Variants in AFF4 observed in about 807,000 individuals in gnomAD.
AFF4 encodes ALF transcription elongation factor 4, also known as AF4/FMR2 family member 4.
Under a neutral mutation model 124.8 loss-of-function variants are expected in AFF4, and 13 were observed. The ratio of observed to expected loss-of-function variants is 0.10; its 90% confidence interval spans 0.07 to 0.17. The LOEUF (loss-of-function observed/expected upper bound fraction) is 0.17, where lower values mean the gene tolerates loss of function less well. Ranked by LOEUF, AFF4 falls within the 10% of genes least tolerant of loss-of-function variation. AFF4 has a pLI of 1.00. For missense variants in AFF4, 1,092 were observed against 1,403.8 expected, an observed-to-expected ratio of 0.78 and a Z score of 3.55; for synonymous variants, 477 against 496.1, an observed-to-expected ratio of 0.96 and a Z score of 0.51.
At chr5:132,934,108 CGTA>C in intron 3 of AFF4, 36 bp downstream of exon 3, 1 of 1,567,124 alleles carries the variant, frequency 6.4e-7, no homozygotes. Flanking sequence ...AATTGCTTCA[CGTA>C]GTCACAATGT....
Position 132,896,984 on chromosome 5 carries a change from G to A in AFF4, c.1646C>T (p.Ser549Phe). 6.2e-7 allele frequency: 1 copy of A among 1,614,180 alleles called. No homozygotes were observed. The highest frequency in any genetic ancestry group is 8.5e-7 in the Non-Finnish European group (1 of 1,180,038). ...TGTTGTGCTGTCACTCTGTGCAGGA[G>A]ATTTCTGCCTCCCACGCCCACTTTC... is the stretch of plus-strand genomic sequence containing the variant. Reference protein sequence around the residue: ...GSESGRGRQKSPAQSDSTTQR... With the variant: ...GSESGRGRQKFPAQSDSTTQR... The change falls in exon 11 of 21, where the codon TCT (serine) becomes TTT (phenylalanine). Residue 549 changes from serine to phenylalanine, a missense_variant. Physicochemically the swap from Ser to Phe is radical, Grantham distance 155 (BLOSUM62 -2). This residue lies in a region of AFF4 where 174 missense variants were observed against 205.9 expected (regional missense o/e 0.84). Transcript: ENST00000265343.
chr5:132,885,700 G>T lies in AFF4; in HGVS notation c.3100-581C>A, dbSNP rs545473820. Among the ~76,000 whole-genome samples the T allele has an allele frequency of 3.3e-5, 5 of 152,184 alleles. No individual in the cohort carries two copies. The East Asian group carries it at 9.6e-4, about 29-fold the overall frequency. ...ATTTTAGGAGGATTTATGTGGTACTGGCCTGAAGAAACATAGGAAAATCTT... is the reference window on the plus strand; with the variant it reads ...ATTTTAGGAGGATTTATGTGGTACTTGCCTGAAGAAACATAGGAAAATCTT... On this transcript the variant is annotated intron_variant, in intron 18 of 20. Coordinates refer to ENST00000265343, the MANE Select transcript of AFF4 (RefSeq NM_014423.4).
intron 1 of AFF4, among the ~76,000 whole-genome samples, chr5:132,953,025 GCTAT>G (rs1304358905): frequency 6.6e-6 from 1 of 151,960 alleles, no homozygotes; most frequent in East Asian, 1.9e-4. Flanking sequence ...ATGCCCTTTG[GCTAT>G]CTAAGAAATC....
At chr5:132,916,403 T>A (rs937023051) in intron 5 of AFF4, among the ~76,000 whole-genome samples, 2 of 117,268 alleles carry the variant, frequency 1.7e-5, no homozygotes, top group African/African-American at 5.3e-5. Context: ...TTTCCATAAA[T>A]TTTTTTTTTT....
At chr5:132,892,895 G>T in intron 12 of AFF4, 135 bp downstream of exon 12, 4 of 744,264 alleles carry the variant, frequency 5.4e-6, no homozygotes, top group East Asian at 2.5e-5. Context: ...CCACTATTTG[G>T]CATATGTTAT....
intron 1 of AFF4, among the ~76,000 whole-genome samples, chr5:132,954,502 C>T (rs2150112529): frequency 6.6e-6 from 1 of 151,566 alleles, no homozygotes; most frequent in African/African-American, 2.4e-5. Flanking sequence ...GGTGGTTGCC[C>T]ACGACCTCTG....
chr5:132,876,147 G>A lies in AFF4; in HGVS notation c.*4912C>T, dbSNP rs1472606861. On this transcript the variant is annotated 3_prime_UTR_variant, in exon 21 of 21. Coordinates refer to ENST00000265343, the MANE Select transcript of AFF4 (RefSeq NM_014423.4). ...CCAACCCCACAACTGGCCCTTAAAGGTGGTGCCTTTTCAGGCAATGTCAAC... is the reference window on the plus strand; with the variant it reads ...CCAACCCCACAACTGGCCCTTAAAGATGGTGCCTTTTCAGGCAATGTCAAC... 4.3e-6 allele frequency: 1 copy of A among 231,326 alleles called. No homozygotes were observed. The highest frequency in any genetic ancestry group is 8.5e-6 in the Non-Finnish European group (1 of 116,998). 14.3% of individuals were successfully genotyped at this position (231,326 alleles called of 1,614,324 possible).
chr5:132,882,817 G>A (rs1760015877), intron 20 of AFF4, among the ~76,000 whole-genome samples: 1 of 145,384 alleles, frequency 6.9e-6, no homozygotes, highest in African/African-American at 2.6e-5. Flanking sequence ...TCGTGCCACT[G>A]TGCTCCAGCC....
intron 1 of AFF4, among the ~76,000 whole-genome samples, chr5:132,956,433 C>G (rs1761958743): frequency 1.3e-5 from 2 of 152,152 alleles, no homozygotes; most frequent in East Asian, 3.9e-4. Flanking sequence ...AAGTTCAAGA[C>G]CAGCCTGGCC....
At chr5:132,938,003 A>G (rs1195020219) in intron 1 of AFF4, among the ~76,000 whole-genome samples, 1 of 152,190 alleles carries the variant, frequency 6.6e-6, no homozygotes, top group Non-Finnish European at 1.5e-5. Flanking sequence ...TTGATTAAAC[A>G]GACAATGGTA....
intron 1 of AFF4, among the ~76,000 whole-genome samples, chr5:132,953,932 T>A (rs563489373): frequency 3.9e-4 from 60 of 152,332 alleles, no homozygotes; most frequent in Non-Finnish European, 6.0e-4. Flanking sequence ...GCCTAACTCC[T>A]GCTTAAAATT....
intron 1 of AFF4, among the ~76,000 whole-genome samples, chr5:132,962,158 G>C (rs1011587600): frequency 6.6e-6 from 1 of 152,206 alleles, no homozygotes; most frequent in Non-Finnish European, 1.5e-5. Flanking sequence ...ATTTTGATAA[G>C]TTAAAGACCA....
intron 19 of AFF4, 128 bp downstream of exon 19, chr5:132,884,948 A>C: frequency 1.7e-6 from 1 of 591,410 alleles, no homozygotes; most frequent in Non-Finnish European, 2.9e-6. Flanking sequence ...TATAACTTCT[A>C]AAAATATTTT....
In AFF4 at chr5:132,877,279, C is replaced by A; in HGVS notation, c.*3780G>T. ...CTGGAAAATTAAAATCTTTCCCACC[C>A]TGTAAGAGCCCTACGACACTACAGA... On this transcript the variant is annotated 3_prime_UTR_variant, in exon 21 of 21. Coordinates refer to ENST00000265343, the MANE Select transcript of AFF4 (RefSeq NM_014423.4). 1 of 211,608 alleles carries A rather than the reference C, an allele frequency of 4.7e-6. No homozygotes were observed. Among genetic ancestry groups the A allele is most frequent in the South Asian group, 1.9e-4 (1 of 5,338 alleles). 13.1% of individuals were successfully genotyped at this position (211,608 alleles called of 1,614,324 possible).
At chr5:132,926,264 G>A in intron 5 of AFF4, 1 of 460,658 alleles carries the variant, frequency 2.2e-6, no homozygotes, top group Non-Finnish European at 4.3e-6. Flanking sequence ...TTGGGGAAAG[G>A]CTATTATTAG....
At chr5:132,954,125 C>T (rs1761900229) in intron 1 of AFF4, among the ~76,000 whole-genome samples, 1 of 152,132 alleles carries the variant, frequency 6.6e-6, no homozygotes, top group South Asian at 2.1e-4. Flanking sequence ...ATGAGCAGTT[C>T]CCAATCTTTT....
At chr5:132,924,414 G>A (rs1383672060) in intron 5 of AFF4, among the ~76,000 whole-genome samples, 1 of 152,164 alleles carries the variant, frequency 6.6e-6, no homozygotes, top group African/African-American at 2.4e-5. Flanking sequence ...CTTATCTAGA[G>A]TGACATAAAA....
intron 2 of AFF4, among the ~76,000 whole-genome samples, chr5:132,935,854 C>G (rs1382784917): frequency 6.6e-6 from 1 of 150,468 alleles, no homozygotes; most frequent in Admixed American, 6.6e-5. Context: ...ACCCAGAAGT[C>G]AGTGGTGGCA....
At chr5:132,940,499 T>A (rs1364332690) in intron 1 of AFF4, among the ~76,000 whole-genome samples, 1 of 151,406 alleles carries the variant, frequency 6.6e-6, no homozygotes, top group Non-Finnish European at 1.5e-5. Context: ...AGACTCCGTC[T>A]CAAAAAAAAA....
Sources: allele counts gnomAD v4.1 joint callset (sites outside exome capture counted in the v4.1 genomes callset), GRCh38; gene constraint gnomAD v4.1.1; regional missense constraint gnomAD v4.1.1; transcripts MANE v1.5; gene names NCBI Gene and HGNC (gene_info 2026-07-23, HGNC 2026-07-21).